Variants in ITPR2 observed in about 807,000 individuals in gnomAD.
ITPR2 encodes the protein inositol 1,4,5-trisphosphate receptor type 2.
Under a neutral mutation model 317.1 loss-of-function variants are expected in ITPR2, and 207 were observed. That is an observed-to-expected ratio of 0.65 (90% confidence interval 0.58 to 0.73). The LOEUF is 0.73. Ranked by LOEUF, ITPR2 falls within the 30% of genes least tolerant of loss-of-function variation. The pLI is 0.00. For missense variants in ITPR2, 2,613 were observed against 3,284.0 expected, an observed-to-expected ratio of 0.80 and a Z score of 4.99; for synonymous variants, 1,156 against 1,149.1, an observed-to-expected ratio of 1.01 and a Z score of -0.12.
intron 37 of ITPR2, among the ~76,000 whole-genome samples, chr12:26,512,871 A>G (rs936901235): frequency 4.8e-5 from 7 of 146,966 alleles, no homozygotes; most frequent in African/African-American, 1.8e-4. Flanking sequence ...CACCCAGGCT[A>G]GAGTGCAGTG....
chr12:26,664,380 G>C (rs1400046336), intron 14 of ITPR2, among the ~76,000 whole-genome samples: 1 of 152,164 alleles, frequency 6.6e-6, no homozygotes, highest in African/African-American at 2.4e-5. Context: ...GAACATATCA[G>C]CATTCAAATG....
intron 13 of ITPR2, among the ~76,000 whole-genome samples, chr12:26,674,329 T>C (rs1195803854): frequency 6.6e-6 from 1 of 152,204 alleles, no homozygotes; most frequent in Non-Finnish European, 1.5e-5. Flanking sequence ...AACAGCATGG[T>C]ACTGGTACCA....
intron 56 of ITPR2, 50 bp downstream of exon 56, chr12:26,340,117 G>C: frequency 6.7e-7 from 1 of 1,498,336 alleles, no homozygotes; most frequent in South Asian, 1.4e-5. Context: ...CTCACCGGAA[G>C]TGGTGAATGA....
At chr12:26,755,616 A>G (rs886887760) in intron 2 of ITPR2, among the ~76,000 whole-genome samples, 2 of 152,214 alleles carry the variant, frequency 1.3e-5, no homozygotes, top group East Asian at 1.9e-4. Context: ...CAGAATTTGG[A>G]AAGTAGTTGT....
intron 11 of ITPR2, among the ~76,000 whole-genome samples, chr12:26,684,410 A>G (rs1230832752): frequency 6.6e-6 from 1 of 152,210 alleles, no homozygotes; most frequent in Non-Finnish European, 1.5e-5. Context: ...AGGTGGTTCT[A>G]ATTTACAGTC....
chr12:26,433,992 G>A (rs139513108), intron 48 of ITPR2, among the ~76,000 whole-genome samples: 154 of 152,058 alleles, frequency 1.0e-3, no homozygotes, highest in African/African-American at 3.5e-3. Flanking sequence ...AATATATAGG[G>A]TAAATTAAAA....
intron 37 of ITPR2, among the ~76,000 whole-genome samples, chr12:26,502,116 T>A (rs1366343056): frequency 6.6e-6 from 1 of 152,208 alleles, no homozygotes; most frequent in African/African-American, 2.4e-5. Context: ...AAACTGTATT[T>A]GTTTTCCTTG....
intron 11 of ITPR2, among the ~76,000 whole-genome samples, chr12:26,683,350 A>T (rs1468944894): frequency 6.6e-6 from 1 of 152,168 alleles, no homozygotes; most frequent in Non-Finnish European, 1.5e-5. Context: ...TCATGCTATA[A>T]ACAAGTGTCC....
At chr12:26,435,021 T>C (rs1941316031) in intron 48 of ITPR2, among the ~76,000 whole-genome samples, 1 of 152,158 alleles carries the variant, frequency 6.6e-6, no homozygotes, top group Non-Finnish European at 1.5e-5. Context: ...CACTGCTATT[T>C]AACTCATACA....
chr12:26,697,892 T>A (rs1181186676), intron 9 of ITPR2, among the ~76,000 whole-genome samples: 3 of 151,888 alleles, frequency 2.0e-5, no homozygotes, highest in African/African-American at 4.8e-5. Flanking sequence ...TCAATATACA[T>A]GAAAACATAA....
At chr12:26,666,136 A>AGATAGATAGATAGATAGAT (rs1296661136) in intron 13 of ITPR2, 85 bp from the exon 14 acceptor site, 1 of 320,034 alleles carries the variant, frequency 3.1e-6, no homozygotes, top group African/African-American at 1.0e-4. Flanking sequence ...AGGTAGGTAG[A>AGATAGATAGATAGATAGAT]GATAGATAGA....
intron 45 of ITPR2, among the ~76,000 whole-genome samples, chr12:26,474,241 G>T (rs1049438940): frequency 1.3e-5 from 2 of 152,176 alleles, no homozygotes; most frequent in African/African-American, 2.4e-5. Context: ...AAACAGAAGG[G>T]AATGATTGCC....
rs185561903 is a variant in ITPR2 at position 26,654,448 on chromosome 12, T to C, written c.2590-322A>G. 2.8e-4 allele frequency among the ~76,000 whole-genome samples: 43 copies of C among 152,352 alleles called. No homozygotes were observed. The East Asian group carries it at 5.8e-3, about 20-fold the overall frequency. ...GCCACTTAATAAATGGTTGCATCAA[T>C]TAATTACCTTAATAAATGGCTATTA... On this transcript the variant is annotated intron_variant, in intron 20 of 56. Coordinates refer to ENST00000381340, the MANE Select transcript of ITPR2 (RefSeq NM_002223.4).
intron 37 of ITPR2, among the ~76,000 whole-genome samples, chr12:26,497,845 GGA>G (rs1372254827): frequency 6.6e-6 from 1 of 151,900 alleles, no homozygotes; most frequent in Non-Finnish European, 1.5e-5. Flanking sequence ...CGAGTAGCTG[GGA>G]TTACAGGCAC....
chr12:26,753,264 T>C (rs1210855199), intron 2 of ITPR2, among the ~76,000 whole-genome samples: 5 of 152,172 alleles, frequency 3.3e-5, no homozygotes, highest in Non-Finnish European at 7.4e-5. Flanking sequence ...AAAGTCCCTC[T>C]TGGTAAAGTC....
intron 34 of ITPR2, among the ~76,000 whole-genome samples, chr12:26,567,952 A>ATATATATATATATATTATATATAT (rs1565609289): frequency 0.017 from 102 of 6,004 alleles, 3 homozygotes; most frequent in African/African-American, 0.039. Flanking sequence ...TATATATATT[A>ATATATATATATATATTATATATAT]TATATATATA....
At chr12:26,671,827 T>C (rs1394014474) in intron 13 of ITPR2, among the ~76,000 whole-genome samples, 1 of 152,122 alleles carries the variant, frequency 6.6e-6, no homozygotes, top group Non-Finnish European at 1.5e-5. Flanking sequence ...GAGACACACA[T>C]AGGCTCAAAA....
intron 21 of ITPR2, among the ~76,000 whole-genome samples, chr12:26,638,912 A>C (rs1170225167): frequency 6.6e-6 from 1 of 152,250 alleles, no homozygotes; most frequent in Admixed American, 6.5e-5. Flanking sequence ...AATGTGATGT[A>C]AAAGAAAACA....
At chr12:26,360,744 C>G (rs1390136133) in intron 55 of ITPR2, among the ~76,000 whole-genome samples, 9 of 152,188 alleles carry the variant, frequency 5.9e-5, no homozygotes, top group African/African-American at 2.2e-4. Flanking sequence ...TGTTCTGTTA[C>G]TTCCTGTAAA....
Sources: allele counts gnomAD v4.1 joint callset (sites outside exome capture counted in the v4.1 genomes callset), GRCh38; gene constraint gnomAD v4.1.1; transcripts MANE v1.5; gene names NCBI Gene and HGNC (gene_info 2026-07-23, HGNC 2026-07-21).